Variants in UBASH3B observed in about 807,000 individuals in gnomAD.
UBASH3B encodes ubiquitin associated and SH3 domain containing B, also known as ubiquitin-associated and SH3 domain-containing protein B.
UBASH3B carries 37 observed loss-of-function variants against 83.4 expected under a neutral mutation model. That is an observed-to-expected ratio of 0.44 (90% CI 0.34 to 0.58). UBASH3B has a LOEUF of 0.58. Ranked by LOEUF, UBASH3B falls within the 20% of genes least tolerant of loss-of-function variation. The probability of loss-of-function intolerance (pLI) is 0.01; values close to 1 mark genes in which losing one functional copy is unlikely to be tolerated. For missense variants in UBASH3B, 657 were observed against 827.2 expected (o/e 0.79, Z 2.52); for synonymous variants, 304 against 318.3 (o/e 0.96, Z 0.48).
chr11:122,726,656 G>A (rs1168112526), intron 1 of UBASH3B, among the ~76,000 whole-genome samples: 1 of 152,122 alleles, frequency 6.6e-6, no homozygotes, highest in South Asian at 2.1e-4. Flanking sequence ...ATTTCTTTAT[G>A]CAACTATGAG....
intron 1 of UBASH3B, among the ~76,000 whole-genome samples, chr11:122,746,382 G>C (rs893382948): frequency 1.3e-5 from 2 of 152,204 alleles, no homozygotes; most frequent in African/African-American, 4.8e-5. Flanking sequence ...GGTTGCTTCA[G>C]CGTGAACAAA....
At chr11:122,790,969 A>G (rs867466576) in intron 6 of UBASH3B, among the ~76,000 whole-genome samples, 135 of 149,470 alleles carry the variant, frequency 9.0e-4, no homozygotes, top group African/African-American at 2.7e-3. Flanking sequence ...AAAAAAGTGG[A>G]GGTATATGAG....
At chr11:122,771,199 T>C (rs1296805177) in intron 1 of UBASH3B, among the ~76,000 whole-genome samples, 1 of 151,862 alleles carries the variant, frequency 6.6e-6, no homozygotes, top group Non-Finnish European at 1.5e-5. Flanking sequence ...GTCCTTCTGC[T>C]TTCCTTTCTT....
chr11:122,670,216 C>A (rs985571212), intron 1 of UBASH3B, among the ~76,000 whole-genome samples: 1 of 152,002 alleles, frequency 6.6e-6, no homozygotes, highest in Non-Finnish European at 1.5e-5. Context: ...CACTGCCCAT[C>A]TCAGCTCCCA....
At chr11:122,695,894 C>G (rs926353967) in intron 1 of UBASH3B, among the ~76,000 whole-genome samples, 2 of 152,210 alleles carry the variant, frequency 1.3e-5, no homozygotes, top group African/African-American at 2.4e-5. Context: ...ACTAAATAGT[C>G]ACATTGAGCT....
intron 8 of UBASH3B, 36 bp downstream of exon 8, chr11:122,796,312 C>T: frequency 6.2e-7 from 1 of 1,607,870 alleles, no homozygotes; most frequent in Non-Finnish European, 8.5e-7. Context: ...CACTGCCATA[C>T]CCATAGTGGC....
chr11:122,667,935 T>A (rs1431185181), intron 1 of UBASH3B, among the ~76,000 whole-genome samples: 5 of 152,112 alleles, frequency 3.3e-5, no homozygotes, highest in Non-Finnish European at 1.5e-5. Context: ...CATGGTTTCT[T>A]TTTTCCATAT....
chr11:122,724,844 G>A (rs746292516), intron 1 of UBASH3B, among the ~76,000 whole-genome samples: 3 of 152,144 alleles, frequency 2.0e-5, no homozygotes. Context: ...AAGATCCTAA[G>A]ACTCATAAGC....
chr11:122,739,850 C>T (rs1860996344), intron 1 of UBASH3B, among the ~76,000 whole-genome samples: 1 of 152,206 alleles, frequency 6.6e-6, no homozygotes, highest in Non-Finnish European at 1.5e-5. Context: ...AGATGGATAA[C>T]ACATCCTTCA....
intron 1 of UBASH3B, among the ~76,000 whole-genome samples, chr11:122,725,972 G>C (rs553373370): frequency 6.6e-6 from 1 of 152,110 alleles, no homozygotes; most frequent in Non-Finnish European, 1.5e-5. Flanking sequence ...GATTACAGGC[G>C]TGAGCCACTG....
At chr11:122,782,887 C>T in intron 4 of UBASH3B, 166 bp from the exon 5 acceptor site, 1 of 773,572 alleles carries the variant, frequency 1.3e-6, no homozygotes, top group Middle Eastern at 3.0e-4. Flanking sequence ...CTTGCCATCC[C>T]CTTACCCCCT....
chr11:122,786,423 G>A (rs1389227988), intron 5 of UBASH3B, among the ~76,000 whole-genome samples: 3 of 151,956 alleles, frequency 2.0e-5, no homozygotes, highest in African/African-American at 4.8e-5. Flanking sequence ...TTAGGAGGCC[G>A]AGGCAGGCAG....
At chr11:122,693,645 G>A (rs1229178539) in intron 1 of UBASH3B, among the ~76,000 whole-genome samples, 1 of 151,992 alleles carries the variant, frequency 6.6e-6, no homozygotes, top group Non-Finnish European at 1.5e-5. Context: ...GGCTGAGGTG[G>A]GCGGATCACT....
chr11:122,802,888 A>T (rs547963149), intron 11 of UBASH3B, among the ~76,000 whole-genome samples: 2 of 152,254 alleles, frequency 1.3e-5, no homozygotes, highest in Admixed American at 6.5e-5. Context: ...TGGTTAAGTG[A>T]CTTTCACCAT....
intron 1 of UBASH3B, among the ~76,000 whole-genome samples, chr11:122,696,215 G>T (rs1377864691): frequency 6.6e-6 from 1 of 151,396 alleles, no homozygotes; most frequent in Non-Finnish European, 1.5e-5. Context: ...CTCCCAAAGC[G>T]CTGGGATTAC....
chr11:122,788,901 T>C (rs980386520), intron 5 of UBASH3B, among the ~76,000 whole-genome samples, 199 bp from the exon 6 acceptor site: 2 of 152,188 alleles, frequency 1.3e-5, no homozygotes, highest in Admixed American at 6.5e-5. Flanking sequence ...GCACCAGGCA[T>C]ACACCGTCAA....
intron 8 of UBASH3B, 104 bp from the exon 9 acceptor site, chr11:122,796,807 C>A (rs761340112): frequency 6.5e-7 from 1 of 1,527,018 alleles, no homozygotes; most frequent in Admixed American, 1.8e-5. Flanking sequence ...AGTGTGATCT[C>A]TTTGGCCAAG....
rs1491467798 is a variant in UBASH3B, at chr11:122,730,003, AAG to A, written c.162-46215_162-46214del. On this transcript the variant is annotated intron_variant, in intron 1 of 13. Coordinates refer to ENST00000284273, the MANE Select transcript of UBASH3B (RefSeq NM_032873.5). ...AAAAAAAAAAAAAAAAAAAAAAAAA[AAG>A]GCCAGGTGCAGTGGCTCACACCTGT... Among the ~76,000 whole-genome samples the A allele has an allele frequency of 3.4e-3, 471 of 137,162 alleles. 15 individuals are homozygous for A. Among genetic ancestry groups the A allele is most frequent in the African/African-American group, 0.012 (447 of 37,942 alleles). The allele number at this position is 137,162 out of a possible 152,430, so 90.0% of individuals were successfully genotyped here.
chr11:122,801,045 C>A, intron 10 of UBASH3B, 143 bp from the exon 11 acceptor site: 1 of 1,030,926 alleles, frequency 9.7e-7, no homozygotes, highest in Non-Finnish European at 1.4e-6. Flanking sequence ...AAACCTTGTC[C>A]AAATCCACAT....
Sources: allele counts gnomAD v4.1 joint callset (sites outside exome capture counted in the v4.1 genomes callset), GRCh38; gene constraint gnomAD v4.1.1; transcripts MANE v1.5; gene names NCBI Gene and HGNC (gene_info 2026-07-23, HGNC 2026-07-21).